The following KCNAB2 variants were observed in gnomAD, a reference collection of about 807,000 sequenced individuals.
KCNAB2 encodes potassium voltage-gated channel subfamily A regulatory beta subunit 2.
In KCNAB2, 29 loss-of-function variants were observed where a neutral mutation model predicts 63.6. That is an observed-to-expected ratio of 0.46 (90% CI 0.34 to 0.62). KCNAB2 has a LOEUF of 0.62. Ranked by LOEUF, KCNAB2 falls within the 20% of genes least tolerant of loss-of-function variation. The probability of loss-of-function intolerance (pLI) is 0.01; values close to 1 mark genes in which losing one functional copy is unlikely to be tolerated. For missense variants in KCNAB2, 359 were observed against 563.9 expected (o/e 0.64, Z 3.68); for synonymous variants, 222 against 224.2 (o/e 0.99, Z 0.09).
chr1:6,021,721 A>G (rs1658831431), intron 1 of KCNAB2, among the ~76,000 whole-genome samples: 1 of 151,190 alleles, frequency 6.6e-6, no homozygotes, highest in Non-Finnish European at 1.5e-5. Context: ...TGTGTAGTTC[A>G]GTGGTATGAG....
intron 2 of KCNAB2, among the ~76,000 whole-genome samples, chr1:6,055,872 G>A (rs1021772124): frequency 7.2e-5 from 11 of 152,224 alleles, no homozygotes; most frequent in African/African-American, 2.7e-4. Flanking sequence ...CTCCGTCAGC[G>A]ACTGGGCTGG....
intron 1 of KCNAB2, among the ~76,000 whole-genome samples, chr1:5,996,619 C>T (rs1656954840): frequency 6.6e-6 from 1 of 152,264 alleles, no homozygotes; most frequent in Non-Finnish European, 1.5e-5. Flanking sequence ...ACTTCTCCAG[C>T]ACACAGGTAC....
chr1:6,083,914 C>T (rs1395813681), intron 5 of KCNAB2, among the ~76,000 whole-genome samples: 1 of 152,252 alleles, frequency 6.6e-6, no homozygotes, highest in Non-Finnish European at 1.5e-5. Context: ...AGATAACTCA[C>T]TGTCTGCTGC....
At chr1:6,014,203 G>T (rs907620195) in intron 1 of KCNAB2, among the ~76,000 whole-genome samples, 1 of 152,134 alleles carries the variant, frequency 6.6e-6, no homozygotes, top group African/African-American at 2.4e-5. Flanking sequence ...GCTCAGATGG[G>T]TGTCCTTCTC....
intron 1 of KCNAB2, among the ~76,000 whole-genome samples, chr1:6,000,883 A>C (rs1657216806): frequency 6.6e-6 from 1 of 152,164 alleles, no homozygotes; most frequent in Non-Finnish European, 1.5e-5. Flanking sequence ...CCTCAGGGCC[A>C]ACATCAGAGC....
chr1:6,056,334 C>T (rs376992033), intron 2 of KCNAB2, among the ~76,000 whole-genome samples: 15 of 152,172 alleles, frequency 9.9e-5, no homozygotes, highest in Non-Finnish European at 1.0e-4. Context: ...CGTGAGCCAC[C>T]GCGCCCGGCC....
chr1:6,025,065 T>TCCTTCTC (rs1481094043), intron 1 of KCNAB2, among the ~76,000 whole-genome samples: 1 of 152,190 alleles, frequency 6.6e-6, no homozygotes, highest in East Asian at 1.9e-4. Context: ...TTCGCCTTCC[T>TCCTTCTC]CCTTCTCCCT....
upstream of KCNAB2, among the ~76,000 whole-genome samples, chr1:6,033,978 G>A (rs963769641): frequency 2.0e-5 from 3 of 152,184 alleles, no homozygotes; most frequent in Admixed American, 1.3e-4. Flanking sequence ...TTGGACCCTG[G>A]GCCCTGCACC....
At chr1:6,023,263 G>T (rs1334947882) in intron 1 of KCNAB2, among the ~76,000 whole-genome samples, 1 of 152,160 alleles carries the variant, frequency 6.6e-6, no homozygotes, top group African/African-American at 2.4e-5. Context: ...GTGAACACAC[G>T]GGTACAAATA....
intron 4 of KCNAB2, among the ~76,000 whole-genome samples, chr1:6,079,097 C>T (rs1390644376): frequency 6.6e-6 from 1 of 152,184 alleles, no homozygotes; most frequent in Non-Finnish European, 1.5e-5. Context: ...GAGGGCTCCC[C>T]AGGGTTTGAC....
At chr1:6,040,634 G>T in exon 2 of KCNAB2, 1 of 1,613,554 alleles carries the variant, frequency 6.2e-7, no homozygotes, top group Non-Finnish European at 8.5e-7. Flanking sequence ...GCTCCCCCGG[G>T]ATGATCTACA....
At chr1:6,043,689 G>A (rs1660692717), upstream of KCNAB2, among the ~76,000 whole-genome samples, 3 of 152,312 alleles carry the variant, frequency 2.0e-5, no homozygotes, top group Middle Eastern at 3.4e-3. Context: ...CACTAAACAT[G>A]GCTATTGGAT....
Position 6,051,512 on chromosome 1 carries a change from G to T in KCNAB2, c.-25G>T. 1 of 1,497,664 alleles carries T rather than the reference G, an allele frequency of 6.7e-7. No individual in the cohort carries two copies. Among genetic ancestry groups the T allele is most frequent in the South Asian group, 1.3e-5 (1 of 78,994 alleles). The allele number at this position is 1,497,664 out of a possible 1,614,324, so 92.8% of individuals were successfully genotyped here. ...TCTAACTCATCACCGTCTGGACAGTGGCAGCTCCCAAGCCAGGCGGCACCA... is the reference window on the plus strand; with the variant it reads ...TCTAACTCATCACCGTCTGGACAGTTGCAGCTCCCAAGCCAGGCGGCACCA... On this transcript the variant is annotated splice_region_variant and 5_prime_UTR_variant, in exon 2 of 16. Transcript: ENST00000378083.
intron 1 of KCNAB2, among the ~76,000 whole-genome samples, chr1:6,016,897 T>C (rs1161965712): frequency 6.6e-6 from 1 of 152,072 alleles, no homozygotes; most frequent in Non-Finnish European, 1.5e-5. Flanking sequence ...TGGGTACCGG[T>C]TATGAAAGCG....
intron 1 of KCNAB2, among the ~76,000 whole-genome samples, chr1:6,020,733 C>T (rs189128438): frequency 2.0e-3 from 306 of 152,300 alleles, no homozygotes; most frequent in African/African-American, 7.1e-3. Flanking sequence ...ATAGTGCGAT[C>T]TCGGCTCGCT....
intron 9 of KCNAB2, among the ~76,000 whole-genome samples, chr1:6,090,960 TTTTA>T (rs1665139448): frequency 6.6e-6 from 1 of 152,226 alleles, no homozygotes; most frequent in East Asian, 1.9e-4. Context: ...CTTTGGCGTT[TTTTA>T]TTCTTTCTAC....
At chr1:6,000,728 T>C (rs1657207943) in intron 1 of KCNAB2, among the ~76,000 whole-genome samples, 1 of 151,714 alleles carries the variant, frequency 6.6e-6, no homozygotes, top group Non-Finnish European at 1.5e-5. Flanking sequence ...TATAGGCCGT[T>C]GGAATCTGAA....
rs1303653797 is a variant in KCNAB2 at position 6,099,618 on chromosome 1, G to A, written c.*1044G>A. Reference sequence around the variant, plus strand: ...CCAGCCCAGGCCGCTGCTCTGCACCGAGCTGGTGGGCTTGGGTTTTGTGGA... The same window carrying A: ...CCAGCCCAGGCCGCTGCTCTGCACCAAGCTGGTGGGCTTGGGTTTTGTGGA... On this transcript the variant is annotated 3_prime_UTR_variant, in exon 16 of 16. Coordinates refer to ENST00000378083, the MANE Select transcript of KCNAB2 (RefSeq NM_001199862.2). 8.7e-6 allele frequency: 7 copies of A among 807,052 alleles called. No individual in the cohort carries two copies. The highest frequency in any genetic ancestry group is 3.4e-5 in the Admixed American group (1 of 29,612). The allele number at this position is 807,052 out of a possible 1,614,324, so 50.0% of individuals were successfully genotyped here.
chr1:6,075,188 TG>T (rs1329835583), intron 4 of KCNAB2, among the ~76,000 whole-genome samples: 2 of 152,174 alleles, frequency 1.3e-5, no homozygotes, highest in African/African-American at 4.8e-5. Context: ...TAAACCAGGA[TG>T]GGAGAATTCT....
Sources: gnomAD v4.1 joint callset for allele counts (sites outside exome capture counted in the v4.1 genomes callset) on GRCh38, gnomAD v4.1.1 for gene constraint, MANE v1.5 for transcripts, NCBI Gene and HGNC (gene_info 2026-07-23, HGNC 2026-07-21) for gene names.